GLCCI1: variants seen among roughly 807,000 people sequenced by gnomAD.
GLCCI1 encodes glucocorticoid-induced transcript 1 protein.
Under a neutral mutation model 52.2 loss-of-function variants are expected in GLCCI1, and 24 were observed. That is an observed-to-expected ratio of 0.46 (90% CI 0.33 to 0.65). The LOEUF (loss-of-function observed/expected upper bound fraction) is 0.65, where lower values mean the gene tolerates loss of function less well. Ranked by LOEUF, GLCCI1 falls within the 30% of genes least tolerant of loss-of-function variation. The probability of loss-of-function intolerance (pLI) is 0.02; values close to 1 mark genes in which losing one functional copy is unlikely to be tolerated. For missense variants in GLCCI1, 704 were observed against 701.5 expected, an observed-to-expected ratio of 1.00 and a Z score of -0.04; for synonymous variants, 310 against 276.5, an observed-to-expected ratio of 1.12 and a Z score of -1.20.
chr7:8,055,541 C>T lies in GLCCI1; in HGVS notation c.805C>T (p.His269Tyr), dbSNP rs1184022109. 6.3e-7 allele frequency: 1 copy of T among 1,584,024 alleles called. No homozygotes were observed. Among genetic ancestry groups the T allele is most frequent in the Admixed American group, 1.7e-5 (1 of 59,936 alleles). The change falls in exon 4 of 8, where the codon CAC becomes TAC. Residue 269 changes from histidine to tyrosine, a missense_variant. Around this residue, in one of 3 missense-constraint regions of GLCCI1, gnomAD observed 547 missense variants for 524.8 expected, o/e 1.04. Transcript: ENST00000223145. ...PLHGNHITISHTQATGSRSVP... is the reference protein window; with the variant it reads ...PLHGNHITISYTQATGSRSVP... ...TCATGGCAACCATATAACAATCAGT[C>T]ACACTCAGGTAGGCTAACTTCTTGT...
At chr7:8,034,609 A>G (rs1174623849) in intron 3 of GLCCI1, among the ~76,000 whole-genome samples, 1 of 152,230 alleles carries the variant, frequency 6.6e-6, no homozygotes, top group Admixed American at 6.5e-5. Context: ...ATCAGACACC[A>G]CTTCTCAGAA....
At chr7:8,044,432 G>A (rs1782075344) in intron 3 of GLCCI1, among the ~76,000 whole-genome samples, 1 of 150,480 alleles carries the variant, frequency 6.6e-6, no homozygotes. Flanking sequence ...GAAGTGGTGT[G>A]ATGTCGGCTC....
At position 8,060,089 on chromosome 7, in the gene GLCCI1, C is replaced by G; in HGVS notation, c.814-7C>G. ...TAATTTGATACCACCTTTATCTTATCTCATAGGCTACTGGATCAAGGTCAG... is the reference window on the plus strand; with the variant it reads ...TAATTTGATACCACCTTTATCTTATGTCATAGGCTACTGGATCAAGGTCAG... On this transcript the variant is annotated splice_polypyrimidine_tract_variant and splice_region_variant and intron_variant, in intron 4 of 7. Coordinates refer to ENST00000223145, the MANE Select transcript of GLCCI1 (RefSeq NM_138426.4). The G allele has an allele frequency of 6.2e-7, 1 of 1,607,482 alleles. No homozygotes were observed. The highest frequency in any genetic ancestry group is 8.5e-7 in the Non-Finnish European group (1 of 1,177,494).
chr7:8,079,366 ATT>A (rs1235832066), intron 6 of GLCCI1, among the ~76,000 whole-genome samples: 1 of 146,690 alleles, frequency 6.8e-6, no homozygotes, highest in African/African-American at 2.7e-5. Context: ...TATTACAGTG[ATT>A]TTCTTGAGAT....
At chr7:8,006,013 G>C (rs1256550348) in intron 2 of GLCCI1, among the ~76,000 whole-genome samples, 1 of 152,048 alleles carries the variant, frequency 6.6e-6, no homozygotes, top group South Asian at 2.1e-4. Context: ...AGTCAAGCTG[G>C]TCTCGAACTC....
intron 1 of GLCCI1, among the ~76,000 whole-genome samples, chr7:7,974,993 T>C (rs909429237): frequency 6.6e-6 from 1 of 152,224 alleles, no homozygotes; most frequent in African/African-American, 2.4e-5. Flanking sequence ...ATCTAACTTC[T>C]GGTTTCTGCC....
At position 7,974,962 on chromosome 7, in the gene GLCCI1, T is replaced by C. The variant is rs145926391; in HGVS notation, c.457+5155T>C. 2.6e-4 allele frequency among the ~76,000 whole-genome samples: 39 copies of C among 152,314 alleles called. 1 individual carries two copies. Among genetic ancestry groups the C allele is most frequent in the African/African-American group, 5.8e-4 (24 of 41,586 alleles). On this transcript the variant is annotated intron_variant, in intron 1 of 7. Coordinates refer to ENST00000223145, the MANE Select transcript of GLCCI1 (RefSeq NM_138426.4). ...TTTTGTGCTACATACTGTTTAATTA[T>C]TTTAACGAGAGGTTGAAAATATCTA...
At chr7:8,036,107 T>C (rs1781862781) in intron 3 of GLCCI1, among the ~76,000 whole-genome samples, 1 of 152,228 alleles carries the variant, frequency 6.6e-6, no homozygotes, top group African/African-American at 2.4e-5. Context: ...AAGCACCACC[T>C]ATTGGTCTGT....
At chr7:8,055,331 C>G in intron 3 of GLCCI1, 102 bp from the exon 4 acceptor site, 3 of 584,056 alleles carry the variant, frequency 5.1e-6, no homozygotes, top group Non-Finnish European at 8.7e-6. Flanking sequence ...TTCTTAGAAA[C>G]TTGAAAATGT....
At chr7:8,063,531 C>T (rs1050867879) in intron 5 of GLCCI1, among the ~76,000 whole-genome samples, 1 of 151,480 alleles carries the variant, frequency 6.6e-6, no homozygotes, top group Non-Finnish European at 1.5e-5. Context: ...TAATGTGGAG[C>T]ATTTTTTCAT....
intron 1 of GLCCI1, among the ~76,000 whole-genome samples, chr7:7,986,388 G>A (rs923034636): frequency 6.6e-6 from 1 of 151,764 alleles, no homozygotes; most frequent in Non-Finnish European, 1.5e-5. Flanking sequence ...GGGAGGGGGG[G>A]GTGGCAGGCA....
intron 3 of GLCCI1, among the ~76,000 whole-genome samples, chr7:8,046,369 T>C (rs1782127537): frequency 6.6e-6 from 1 of 152,220 alleles, no homozygotes; most frequent in Non-Finnish European, 1.5e-5. Flanking sequence ...CAGGCCATTA[T>C]GGGAAGCAGG....
At chr7:8,037,661 G>C (rs1356395154) in intron 3 of GLCCI1, among the ~76,000 whole-genome samples, 2 of 152,050 alleles carry the variant, frequency 1.3e-5, no homozygotes, top group Non-Finnish European at 2.9e-5. Context: ...CCACCTAACT[G>C]CTAAAGACAC....
chr7:8,049,741 T>C (rs1172532738), intron 3 of GLCCI1, among the ~76,000 whole-genome samples: 2 of 152,196 alleles, frequency 1.3e-5, no homozygotes, highest in Non-Finnish European at 2.9e-5. Flanking sequence ...CCAATAGTTA[T>C]TTATTGGTAG....
Position 8,071,035 on chromosome 7 carries a change from A to G in GLCCI1, c.1081A>G (p.Ser361Gly). The change falls in exon 6 of 8, where the codon AGC (serine) becomes GGC (glycine). Residue 361 changes from serine (S) to glycine (G), a missense_variant. Ser to Gly is a moderately conservative substitution (Grantham distance 56). Transcript: ENST00000223145. ...PSVQERSSSCSSHSPCVSPFC... is the reference protein window; with the variant it reads ...PSVQERSSSCGSHSPCVSPFC... ...TGTCCAGGAGCGCAGCAGTAGCTGC[A>G]GCAGTCATTCACCCTGTGTCTCCCC... 1.2e-6 allele frequency: 2 copies of G among 1,614,154 alleles called. No homozygotes were observed. Among genetic ancestry groups the G allele is most frequent in the Non-Finnish European group, 1.7e-6 (2 of 1,179,970 alleles).
chr7:8,000,789 G>A (rs564535441), intron 1 of GLCCI1, among the ~76,000 whole-genome samples: 1 of 152,158 alleles, frequency 6.6e-6, no homozygotes, highest in Non-Finnish European at 1.5e-5. Context: ...TTACCATTAT[G>A]TAATGGCCTT....
At chr7:8,025,835 C>T (rs1029278634) in intron 3 of GLCCI1, among the ~76,000 whole-genome samples, 1 of 152,168 alleles carries the variant, frequency 6.6e-6, no homozygotes, top group Non-Finnish European at 1.5e-5. Flanking sequence ...AACCAAAAAA[C>T]TGTCAACCAG....
Position 7,969,203 on chromosome 7 carries a change from A to C in GLCCI1, c.-148A>C. On this transcript the variant is annotated 5_prime_UTR_variant, in exon 1 of 8. Transcript: ENST00000223145. This position sits in a 1 kb window ranked among gnomAD's most constrained non-coding sequence, Gnocchi z 4.9. Reference sequence around the variant, plus strand: ...GCGGGGGTGTGCGTTGGGGAGGGGGAGCCCCGAGACTCCTCCCCCACAGCG... The same window carrying C: ...GCGGGGGTGTGCGTTGGGGAGGGGGCGCCCCGAGACTCCTCCCCCACAGCG... 7.6e-6 allele frequency: 5 copies of C among 661,262 alleles called. No homozygotes were observed. Among genetic ancestry groups the C allele is most frequent in the Non-Finnish European group, 9.7e-6 (5 of 513,950 alleles). 41.0% of individuals were successfully genotyped at this position (661,262 alleles called of 1,614,324 possible).
rs1272806044 is a variant in GLCCI1, at chr7:7,969,218, C to A, written c.-133C>A. ...GGGGAGGGGGAGCCCCGAGACTCCT[C>A]CCCCACAGCGATACCCCCGCCCCTC... On this transcript the variant is annotated 5_prime_UTR_variant, in exon 1 of 8. Transcript: ENST00000223145. This position sits in a 1 kb window ranked among gnomAD's most constrained non-coding sequence, Gnocchi z 4.9. 3 of 482,902 alleles carry A rather than the reference C, an allele frequency of 6.2e-6. No homozygotes were observed. The highest frequency in any genetic ancestry group is 8.6e-6 in the Non-Finnish European group (3 of 350,426). 29.9% of individuals were successfully genotyped at this position (482,902 alleles called of 1,614,324 possible). A position where few individuals can be genotyped will look rare whatever the true frequency, so the allele number is the denominator to read the frequency against.
Sources: allele counts gnomAD v4.1 joint callset (sites outside exome capture counted in the v4.1 genomes callset), GRCh38; gene constraint gnomAD v4.1.1; regional missense constraint gnomAD v4.1.1; non-coding constraint Gnocchi (gnomAD v3.1); transcripts MANE v1.5; gene names NCBI Gene and HGNC (gene_info 2026-07-23, HGNC 2026-07-21).